RBPMS: variants seen among roughly 807,000 people sequenced by gnomAD.
RBPMS encodes RNA binding protein, mRNA processing factor.
Under a neutral mutation model 26.8 loss-of-function variants are expected in RBPMS, and 7 were observed. The ratio of observed to expected loss-of-function variants is 0.26; its 90% CI spans 0.15 to 0.49. The LOEUF is 0.49. Ranked by LOEUF, RBPMS falls within the 20% of genes least tolerant of loss-of-function variation. RBPMS has a pLI of 0.98. For synonymous variants in RBPMS, 96 were observed against 93.3 expected (o/e 1.03, Z -0.17); for missense variants, 186 against 250.0 (o/e 0.74, Z 1.73).
In RBPMS at chr8:30,477,829, T is replaced by G. The variant is rs1817859504; in HGVS notation, c.175T>G (p.Ser59Ala). The change falls in exon 3 of 9, where the codon TCT (serine) becomes GCT (alanine). Residue 59 changes from serine (S) to alanine (A), a missense_variant. This residue lies in a region of RBPMS where 50 missense variants were observed against 108.5 expected (regional missense o/e 0.46). Coordinates refer to ENST00000397323, the MANE Select transcript of RBPMS (RefSeq NM_001008710.3). ...GYEGSLIKLT[S>A]KQPVGFVSFD... ...TGAGGGTTCTCTTATAAAGCTCACA[T>G]CTAAACAGGTAAGAATTTCAAAGTG... 3 of 1,608,460 alleles carry G rather than the reference T, an allele frequency of 1.9e-6. No homozygotes were observed. The East Asian group carries it at 6.7e-5, about 36-fold the overall frequency.
At chr8:30,570,283 G>A (rs1828183209) in intron 8 of RBPMS, among the ~76,000 whole-genome samples, 1 of 152,214 alleles carries the variant, frequency 6.6e-6, no homozygotes, top group Admixed American at 6.5e-5. Flanking sequence ...TGTATGCTGA[G>A]CTGATTGATT....
intron 5 of RBPMS, among the ~76,000 whole-genome samples, chr8:30,530,689 C>T (rs56235951): frequency 0.029 from 4,360 of 151,940 alleles, 93 homozygotes; most frequent in Non-Finnish European, 0.045. Flanking sequence ...CTCGAACTCC[C>T]GACCTCAGGT....
intron 1 of RBPMS, among the ~76,000 whole-genome samples, chr8:30,462,556 G>A: frequency 6.6e-6 from 1 of 151,992 alleles, no homozygotes; most frequent in East Asian, 1.9e-4. Context: ...GAGTAGCTGG[G>A]ATTATAGGCC....
At chr8:30,528,167 CT>C (rs766069566) in intron 5 of RBPMS, among the ~76,000 whole-genome samples, 12 of 147,046 alleles carry the variant, frequency 8.2e-5, no homozygotes, top group South Asian at 2.1e-4. Context: ...AAGAGCGAAA[CT>C]TTATTCCAAA....
intron 1 of RBPMS, among the ~76,000 whole-genome samples, chr8:30,410,401 G>A (rs1267477785): frequency 1.3e-5 from 2 of 151,748 alleles, no homozygotes; most frequent in Admixed American, 6.6e-5. Flanking sequence ...GTAGAGATGG[G>A]GTTTCACCAT....
intron 6 of RBPMS, among the ~76,000 whole-genome samples, chr8:30,557,263 C>G (rs1039185719): frequency 6.6e-6 from 1 of 152,194 alleles, no homozygotes; most frequent in Non-Finnish European, 1.5e-5. Context: ...AAGAACCGCT[C>G]GTGAGGAGGC....
intron 4 of RBPMS, among the ~76,000 whole-genome samples, chr8:30,482,419 T>C (rs1285406337): frequency 1.3e-5 from 2 of 152,336 alleles, no homozygotes; most frequent in East Asian, 1.9e-4. Context: ...CCATGTTTAA[T>C]TTCTCTTTTT....
intron 7 of RBPMS, among the ~76,000 whole-genome samples, chr8:30,560,746 CTGGTACACGG>C (rs1183845784): frequency 7.9e-5 from 12 of 152,228 alleles, no homozygotes; most frequent in Non-Finnish European, 1.3e-4. Context: ...GGAGGGGGCT[CTGGTACACGG>C]TGTTCCTCAA....
In RBPMS at chr8:30,558,737, T is replaced by C. The variant is rs369474635; in HGVS notation, c.529-150T>C. ...CTCTCAGGACACCGCTCTGATGCTT[T>C]TCAGCCCCTTGGGGAAGAGGCCCTC... is the stretch of plus-strand genomic sequence containing the variant. On this transcript the variant is annotated intron_variant, in intron 6 of 8. Coordinates refer to ENST00000397323, the MANE Select transcript of RBPMS (RefSeq NM_001008710.3). 5.1e-5 allele frequency: 37 copies of C among 720,860 alleles called. No individual in the cohort carries two copies. In the African/African-American group the frequency reaches 6.1e-4, roughly 12 times the overall value. 44.7% of individuals were successfully genotyped at this position (720,860 alleles called of 1,614,324 possible).
chr8:30,545,300 G>A (rs2915595), intron 6 of RBPMS: 292,689 of 1,192,352 alleles, frequency 0.25, 37,704 homozygotes, highest in South Asian at 0.4. Flanking sequence ...CTGTTTCTCC[G>A]CAAAGATTAC....
At position 30,490,303 on chromosome 8, in the gene RBPMS, C is replaced by T. The variant is rs180883722; in HGVS notation, c.246+10926C>T. 1.3e-3 allele frequency among the ~76,000 whole-genome samples: 202 copies of T among 152,318 alleles called. 2 individuals carry two copies. Among genetic ancestry groups the T allele is most frequent in the South Asian group, 0.012 (59 of 4,824 alleles). On this transcript the variant is annotated intron_variant, in intron 4 of 8. Coordinates refer to ENST00000397323, the MANE Select transcript of RBPMS (RefSeq NM_001008710.3). ...TATAAAATATTGTAACCTGAACAAA[C>T]ACATCCTCATCTCCCTTTTATTTTA...
intron 1 of RBPMS, chr8:30,453,613 A>G (rs1167337392): frequency 6.6e-6 from 1 of 152,242 alleles, no homozygotes; most frequent in African/African-American, 2.4e-5. Context: ...AAATAACTGC[A>G]GAAGTACCTT....
intron 1 of RBPMS, among the ~76,000 whole-genome samples, chr8:30,415,474 T>C (rs1487441133): frequency 2.6e-5 from 4 of 152,216 alleles, no homozygotes; most frequent in African/African-American, 9.6e-5. Flanking sequence ...GATGGTCTCA[T>C]CTGCAACTTT....
chr8:30,391,190 C>G (rs969434216), intron 1 of RBPMS, among the ~76,000 whole-genome samples: 3 of 152,220 alleles, frequency 2.0e-5, no homozygotes, highest in African/African-American at 7.2e-5. Flanking sequence ...TAGCCACTGT[C>G]AGTGTGGGAC....
chr8:30,570,186 T>G (rs969593889), intron 8 of RBPMS, among the ~76,000 whole-genome samples: 1 of 152,152 alleles, frequency 6.6e-6, no homozygotes, highest in Non-Finnish European at 1.5e-5. Context: ...AAAATCTAAC[T>G]TGGGACATTT....
intron 6 of RBPMS, 196 bp downstream of exon 6, chr8:30,544,820 A>G (rs1449110803): frequency 5.8e-6 from 9 of 1,545,096 alleles, no homozygotes; most frequent in South Asian, 1.2e-5. Context: ...GATATCACCC[A>G]CTGCCTGATG....
chr8:30,461,038 C>G (rs1815824545), intron 1 of RBPMS, among the ~76,000 whole-genome samples: 1 of 130,778 alleles, frequency 7.6e-6, no homozygotes, highest in Non-Finnish European at 1.7e-5. Flanking sequence ...GGGTGACAGA[C>G]CCCATCTGAA....
At chr8:30,565,400 C>T (rs1177719514) in intron 7 of RBPMS, 1 of 152,198 alleles carries the variant, frequency 6.6e-6, no homozygotes, top group South Asian at 2.1e-4. Context: ...GTTATGCACT[C>T]CAGTTCTCAT....
chr8:30,533,776 G>T (rs562086595), intron 5 of RBPMS, among the ~76,000 whole-genome samples: 2 of 152,206 alleles, frequency 1.3e-5, no homozygotes, highest in African/African-American at 4.8e-5. Flanking sequence ...ATTTTTGCTT[G>T]TACACAAATC....
Sources: gnomAD v4.1 joint callset for allele counts (sites outside exome capture counted in the v4.1 genomes callset) on GRCh38, gnomAD v4.1.1 for gene constraint, gnomAD v4.1.1 regional missense constraint, MANE v1.5 for transcripts, NCBI Gene and HGNC (gene_info 2026-07-23, HGNC 2026-07-21) for gene names.